The following ABHD18 variants were observed in gnomAD, a reference collection of about 807,000 sequenced individuals.
ABHD18 encodes abhydrolase domain containing 18.
A neutral mutation model predicts 65.9 loss-of-function variants in ABHD18; 55 were observed. The ratio of observed to expected loss-of-function variants is 0.84; its 90% CI spans 0.67 to 1.05. The LOEUF is 1.05. ABHD18 is among the 50% of genes least tolerant of loss of function. ABHD18 has a pLI of 0.00. For missense variants in ABHD18, 533 were observed against 558.5 expected, an observed-to-expected ratio of 0.95 and a Z score of 0.46; for synonymous variants, 181 against 180.2, an observed-to-expected ratio of 1.00 and a Z score of -0.04.
chr4:128,022,835 C>T (rs959916497), intron 10 of ABHD18, among the ~76,000 whole-genome samples: 1 of 149,942 alleles, frequency 6.7e-6, no homozygotes, highest in South Asian at 2.1e-4. Context: ...ACGATCTTAG[C>T]TCTCAGCTCA....
chr4:127,993,094 A>G (rs1751197817), intron 4 of ABHD18, among the ~76,000 whole-genome samples: 1 of 152,026 alleles, frequency 6.6e-6, no homozygotes. Flanking sequence ...TTTTTTTTTT[A>G]AAGCATAAGT....
intron 9 of ABHD18, 78 bp downstream of exon 9, chr4:128,020,247 C>G (rs892112500): frequency 4.0e-6 from 4 of 1,004,028 alleles, no homozygotes; most frequent in Non-Finnish European, 6.1e-6. Context: ...CAAAACCACC[C>G]TCAGCTTTGG....
At chr4:127,992,689 T>G (rs376744009) in intron 4 of ABHD18, among the ~76,000 whole-genome samples, 2 of 151,958 alleles carry the variant, frequency 1.3e-5, no homozygotes, top group South Asian at 2.1e-4. Context: ...TAGACTGATG[T>G]CACTAGACCT....
intron 8 of ABHD18, among the ~76,000 whole-genome samples, chr4:128,018,124 T>G (rs1755825417): frequency 6.6e-6 from 1 of 152,190 alleles, no homozygotes; most frequent in Non-Finnish European, 1.5e-5. Flanking sequence ...AGCTTACCCT[T>G]CTGTTTCAGC....
At position 128,039,793 on chromosome 4, in the gene ABHD18, C is replaced by T. The variant is rs138685224; in HGVS notation, c.*3980C>T. On this transcript the variant is annotated 3_prime_UTR_variant, in exon 13 of 13. Transcript: ENST00000645843. ...TTTGATTAATGTACCCAAACTTGAA[C>T]TGAGTGTATATGTTCCCTCTTTGTT... 6.6e-6 allele frequency: 1 copy of T among 152,180 alleles called. No homozygotes were observed. Among genetic ancestry groups the T allele is most frequent in the African/African-American group, 2.4e-5 (1 of 41,516 alleles). 9.4% of individuals were successfully genotyped at this position (152,180 alleles called of 1,614,324 possible). A position where few individuals can be genotyped will look rare whatever the true frequency, so the allele number is the denominator to read the frequency against.
intron 12 of ABHD18, among the ~76,000 whole-genome samples, chr4:128,033,602 CT>C (rs1758514699): frequency 7.4e-6 from 1 of 134,920 alleles, no homozygotes; most frequent in African/African-American, 2.8e-5. Context: ...GTGGCATGAT[CT>C]TGGCTCACTG....
intron 1 of ABHD18, among the ~76,000 whole-genome samples, chr4:127,977,199 G>A (rs1210656130): frequency 2.6e-5 from 4 of 152,072 alleles, no homozygotes; most frequent in Admixed American, 6.6e-5. Context: ...CAAGCTGGGC[G>A]TGGTGGCTCA....
At chr4:127,975,900 A>G (rs1370138722) in intron 1 of ABHD18, among the ~76,000 whole-genome samples, 2 of 152,114 alleles carry the variant, frequency 1.3e-5, no homozygotes, top group African/African-American at 4.8e-5. Context: ...GTCTCGGCTC[A>G]CTGCAACCTC....
chr4:128,002,091 A>G (rs1246515441), intron 4 of ABHD18, among the ~76,000 whole-genome samples: 2 of 152,094 alleles, frequency 1.3e-5, no homozygotes, highest in East Asian at 3.9e-4. Context: ...CCTGGCCAAC[A>G]TGGTAAAACC....
intron 4 of ABHD18, among the ~76,000 whole-genome samples, chr4:127,999,966 C>T (rs1330450081): frequency 1.3e-5 from 2 of 152,172 alleles, no homozygotes; most frequent in African/African-American, 2.4e-5. Flanking sequence ...GAAGGCCCCA[C>T]AATCATGGCG....
At position 128,036,421 on chromosome 4, in the gene ABHD18, A is replaced by C. The variant is rs1442659108; in HGVS notation, c.*608A>C. ...TCTTTTAACATGTACCTCTACTTGA[A>C]TGTAAGTGCTTTTAATAATCAAAGT... On this transcript the variant is annotated 3_prime_UTR_variant, in exon 13 of 13. Transcript: ENST00000645843. 1 of 152,010 alleles carries C rather than the reference A, an allele frequency of 6.6e-6. No individual in the cohort carries two copies. Among genetic ancestry groups the C allele is most frequent in the Non-Finnish European group, 1.5e-5 (1 of 68,024 alleles). The allele number at this position is 152,010 out of a possible 1,614,324, so 9.4% of individuals were successfully genotyped here. A position where few individuals can be genotyped will look rare whatever the true frequency, so the allele number is the denominator to read the frequency against.
At chr4:128,026,375 C>T (rs1228406401) in intron 10 of ABHD18, among the ~76,000 whole-genome samples, 2 of 151,712 alleles carry the variant, frequency 1.3e-5, no homozygotes, top group African/African-American at 2.4e-5. Context: ...AGGAGAATCG[C>T]TTGAACCCAA....
intron 7 of ABHD18, among the ~76,000 whole-genome samples, chr4:128,012,041 G>A (rs957403065): frequency 8.6e-5 from 13 of 151,392 alleles, no homozygotes; most frequent in African/African-American, 2.9e-4. Context: ...GCACTGGTGC[G>A]ATCTCAGCTC....
intron 2 of ABHD18, among the ~76,000 whole-genome samples, chr4:127,983,736 G>T (rs892292552): frequency 2.6e-5 from 4 of 152,116 alleles, no homozygotes; most frequent in African/African-American, 9.7e-5. Flanking sequence ...ATGGTGACGG[G>T]CACCTGTAAT....
chr4:127,984,370 C>T lies in ABHD18; in HGVS notation c.124C>T (p.Arg42Trp), dbSNP rs868003753. Residue 42 changes from arginine to tryptophan, a missense_variant, in exon 3 of 13, where the codon CGG (arginine) becomes TGG (tryptophan). Arg to Trp is a moderately radical substitution (Grantham distance 101, BLOSUM62 -3). Around this residue, in one of 3 missense-constraint regions of ABHD18, gnomAD observed 309 missense variants for 313.5 expected, o/e 0.99. Coordinates refer to ENST00000645843, the MANE Select transcript of ABHD18 (RefSeq NM_001358451.3). The part of the protein sequence containing the change: ...LFEFRKMIGN[R>W]ERCQNLVSSD... ...TGAATTCAGAAAGATGATTGGAAAT[C>T]GGGAAAGATGCCAGAATCTGGTTTC... The T allele has an allele frequency of 1.9e-6, 3 of 1,549,902 alleles. No homozygotes were observed. The highest frequency in any genetic ancestry group is 1.4e-5 in the African/African-American group (1 of 73,116).
chr4:127,992,374 C>T (rs943667835), intron 4 of ABHD18, among the ~76,000 whole-genome samples: 7 of 151,872 alleles, frequency 4.6e-5, no homozygotes, highest in African/African-American at 1.7e-4. Context: ...ACTCAGGAGG[C>T]TGAGGCAGGA....
chr4:127,999,156 C>T (rs1752260981), intron 4 of ABHD18, among the ~76,000 whole-genome samples: 1 of 151,930 alleles, frequency 6.6e-6, no homozygotes, highest in Non-Finnish European at 1.5e-5. Context: ...TGGTGGTGCA[C>T]GTCTGGAATC....
intron 3 of ABHD18, among the ~76,000 whole-genome samples, chr4:127,989,130 G>A (rs968860277): frequency 5.9e-5 from 9 of 152,184 alleles, no homozygotes; most frequent in African/African-American, 2.2e-4. Context: ...AACAACATGG[G>A]TGGAACTGAA....
At chr4:128,021,581 G>C (rs1456505669) in intron 10 of ABHD18, among the ~76,000 whole-genome samples, 1 of 150,462 alleles carries the variant, frequency 6.6e-6, no homozygotes, top group Non-Finnish European at 1.5e-5. Flanking sequence ...TTGAACTTAG[G>C]AGGCAGAGGT....
Sources: allele counts gnomAD v4.1 joint callset (sites outside exome capture counted in the v4.1 genomes callset), GRCh38; gene constraint gnomAD v4.1.1; regional missense constraint gnomAD v4.1.1; transcripts MANE v1.5; gene names NCBI Gene and HGNC (gene_info 2026-07-23, HGNC 2026-07-21).